RALGAPA1: variants seen among roughly 807,000 people sequenced by gnomAD.
The protein encoded by RALGAPA1 is Ral GTPase activating protein catalytic subunit alpha 1.
RALGAPA1 carries 52 observed loss-of-function variants against 269.6 expected under a neutral mutation model. The observed-to-expected ratio is 0.19, with a 90% CI of 0.15 to 0.24. RALGAPA1 has a LOEUF of 0.24. Ranked by LOEUF, RALGAPA1 falls within the 10% of genes least tolerant of loss-of-function variation. RALGAPA1 has a pLI of 1.00. For synonymous variants in RALGAPA1, 817 were observed against 1,008.3 expected, an observed-to-expected ratio of 0.81 and a Z score of 3.60; for missense variants, 1,917 against 3,013.9, an observed-to-expected ratio of 0.64 and a Z score of 8.52.
intron 37 of RALGAPA1, among the ~76,000 whole-genome samples, chr14:35,588,372 A>T (rs1185475782): frequency 6.6e-6 from 1 of 152,220 alleles, no homozygotes; most frequent in Non-Finnish European, 1.5e-5. Context: ...ATCTTATTTG[A>T]CATTTCTACA....
chr14:35,758,939 C>G (rs1242808994), intron 6 of RALGAPA1, among the ~76,000 whole-genome samples: 2 of 151,884 alleles, frequency 1.3e-5, no homozygotes, highest in African/African-American at 4.8e-5. Context: ...ATAGCAAGAC[C>G]CCATCTCTAC....
intron 7 of RALGAPA1, among the ~76,000 whole-genome samples, chr14:35,755,463 T>C (rs576871695): frequency 1.6e-3 from 245 of 152,322 alleles, no homozygotes; most frequent in Admixed American, 3.9e-3. Context: ...CATAATAAAA[T>C]TCATTAAACT....
chr14:35,625,836 G>A (rs2060959938), intron 34 of RALGAPA1, among the ~76,000 whole-genome samples: 1 of 152,140 alleles, frequency 6.6e-6, no homozygotes, highest in Admixed American at 6.5e-5. Context: ...AATCCAGATG[G>A]AATTTTCTTT....
chr14:35,702,302 G>T (rs2067418570), intron 16 of RALGAPA1, among the ~76,000 whole-genome samples: 1 of 152,108 alleles, frequency 6.6e-6, no homozygotes, highest in South Asian at 2.1e-4. Flanking sequence ...TTTATAACTG[G>T]AAAAAGATAA....
At chr14:35,560,264 A>C (rs1420881759) in intron 39 of RALGAPA1, among the ~76,000 whole-genome samples, 2 of 152,086 alleles carry the variant, frequency 1.3e-5, no homozygotes, top group Non-Finnish European at 2.9e-5. Context: ...GCTTGACTGT[A>C]TTATCTGGTT....
chr14:35,639,465 C>A (rs2061867632), intron 31 of RALGAPA1, among the ~76,000 whole-genome samples: 1 of 152,192 alleles, frequency 6.6e-6, no homozygotes, highest in African/African-American at 2.4e-5. Flanking sequence ...CTGTGGAATG[C>A]ACATTTTTCT....
In RALGAPA1 at chr14:35,795,666, C is replaced by T. The variant is rs116185787; in HGVS notation, c.106+13064G>A. Among the ~76,000 whole-genome samples, 334 of 152,000 alleles carry T rather than the reference C, an allele frequency of 2.2e-3. 4 individuals carry two copies. The highest frequency in any genetic ancestry group is 7.5e-3 in the African/African-American group (312 of 41,482). ...GTTTTCAAATAACTTGATTGTATCC[C>T]GGAAAAAAGCTCAAGAATTTATAGG... On this transcript the variant is annotated intron_variant, in intron 1 of 41. Coordinates refer to ENST00000680220, the MANE Select transcript of RALGAPA1 (RefSeq NM_001346249.2).
intron 33 of RALGAPA1, among the ~76,000 whole-genome samples, chr14:35,632,263 T>C (rs1271410211): frequency 1.3e-5 from 2 of 152,214 alleles, no homozygotes; most frequent in African/African-American, 4.8e-5. Context: ...TTCTCTAGTT[T>C]AGATATTTAA....
At chr14:35,626,289 T>G (rs867185748) in intron 34 of RALGAPA1, among the ~76,000 whole-genome samples, 1 of 152,152 alleles carries the variant, frequency 6.6e-6, no homozygotes, top group Non-Finnish European at 1.5e-5. Context: ...AGATCTCTAT[T>G]TCAATGCTTG....
chr14:35,756,256 G>A (rs1160603968), intron 7 of RALGAPA1: 2 of 152,226 alleles, frequency 1.3e-5, no homozygotes, highest in African/African-American at 2.4e-5. Flanking sequence ...CCAGTGATTT[G>A]AGAAAGAGAT....
intron 39 of RALGAPA1, among the ~76,000 whole-genome samples, chr14:35,549,706 T>C (rs375805114): frequency 6.6e-6 from 1 of 152,198 alleles, no homozygotes; most frequent in East Asian, 1.9e-4. Context: ...TAAAGATTTA[T>C]TGTGAAAAAT....
chr14:35,764,405 T>C (rs906598301), intron 4 of RALGAPA1, among the ~76,000 whole-genome samples: 31 of 151,890 alleles, frequency 2.0e-4, no homozygotes, highest in African/African-American at 6.8e-4. Flanking sequence ...TACATATATA[T>C]ATATGGAGTT....
intron 36 of RALGAPA1, among the ~76,000 whole-genome samples, chr14:35,599,248 G>GT (rs1235144491): frequency 6.6e-6 from 1 of 152,184 alleles, no homozygotes; most frequent in Non-Finnish European, 1.5e-5. Context: ...CACAGTGATT[G>GT]TATCTATCCA....
chr14:35,651,832 C>T lies in RALGAPA1; in HGVS notation c.5649G>A (p.Glu1883=). The change falls in exon 31 of 42, where the codon GAG becomes GAA. Residue 1883 remains glutamate (E), a synonymous_variant. Transcript: ENST00000680220. ...ATITHLLPST[E]ASSYEMDKRL... is the part of the protein sequence containing the mutation. The stretch of plus-strand genomic sequence containing the variant: ...TCTTGTCCATTTCATAAGATGAAGC[C>T]TCTGTACTTGGTAAAAGATGGGTGA... The T allele has an allele frequency of 6.2e-7, 1 of 1,604,020 alleles. No homozygotes were observed. The highest frequency in any genetic ancestry group is 1.1e-5 in the South Asian group (1 of 88,204).
intron 21 of RALGAPA1, among the ~76,000 whole-genome samples, chr14:35,682,087 T>G (rs996302128): frequency 1.3e-5 from 2 of 152,200 alleles, no homozygotes; most frequent in Admixed American, 1.3e-4. Flanking sequence ...TTGTTTTCAA[T>G]TTTTAACTAC....
chr14:35,547,551 CAT>C (rs2054567000), intron 41 of RALGAPA1, among the ~76,000 whole-genome samples: 2 of 152,118 alleles, frequency 1.3e-5, no homozygotes, highest in South Asian at 2.1e-4. Flanking sequence ...AAGTGTTATT[CAT>C]ATCTCTTTTA....
rs191694506 is a variant in RALGAPA1 at position 35,792,578 on chromosome 14, T to A, written c.106+16152A>T. Among the ~76,000 whole-genome samples the A allele has an allele frequency of 2.6e-3, 387 of 150,026 alleles. 2 individuals are homozygous for A. The highest frequency in any genetic ancestry group is 6.7e-3 in the African/African-American group (273 of 40,998). Reference sequence around the variant, plus strand: ...CGGGTGGACTGTTTGAGGCCCAGAGTTCAAAACCAGCCTGGCCAACGTGGC... The same window carrying A: ...CGGGTGGACTGTTTGAGGCCCAGAGATCAAAACCAGCCTGGCCAACGTGGC... On this transcript the variant is annotated intron_variant, in intron 1 of 41. Coordinates refer to ENST00000680220, the MANE Select transcript of RALGAPA1 (RefSeq NM_001346249.2).
intron 1 of RALGAPA1, among the ~76,000 whole-genome samples, chr14:35,783,241 T>C (rs180829838): frequency 1.8e-4 from 28 of 151,890 alleles, no homozygotes; most frequent in African/African-American, 6.5e-4. Context: ...AGTTCAGAAA[T>C]AAATCCTTAC....
chr14:35,565,019 G>A (rs1165601607), intron 39 of RALGAPA1, among the ~76,000 whole-genome samples: 1 of 152,050 alleles, frequency 6.6e-6, no homozygotes, highest in Non-Finnish European at 1.5e-5. Flanking sequence ...ATAAGCTTAT[G>A]AGGACAGGAT....
Sources: allele counts gnomAD v4.1 joint callset (sites outside exome capture counted in the v4.1 genomes callset), GRCh38; gene constraint gnomAD v4.1.1; transcripts MANE v1.5; gene names NCBI Gene and HGNC (gene_info 2026-07-23, HGNC 2026-07-21).